The following NUBPL variants were observed in gnomAD, a reference collection of about 807,000 sequenced individuals.
The protein encoded by NUBPL is NUBP iron-sulfur cluster assembly factor, mitochondrial.
In NUBPL, 31 loss-of-function variants were observed where a neutral mutation model predicts 45.7. The ratio of observed to expected loss-of-function variants is 0.68; its 90% CI spans 0.51 to 0.92. NUBPL has a LOEUF of 0.92. NUBPL is among the 40% of genes least tolerant of loss of function. NUBPL has a pLI of 0.00. For synonymous variants in NUBPL, 144 were observed against 140.9 expected, an observed-to-expected ratio of 1.02 and a Z score of -0.15; for missense variants, 401 against 398.7, an observed-to-expected ratio of 1.01 and a Z score of -0.05.
chr14:31,577,238 C>G (rs1173184959), intron 3 of NUBPL, among the ~76,000 whole-genome samples: 1 of 152,220 alleles, frequency 6.6e-6, no homozygotes, highest in African/African-American at 2.4e-5. Context: ...ATCTCTTTCT[C>G]TCCACTGTCG....
chr14:31,602,968 A>G (rs2034485832), intron 4 of NUBPL, among the ~76,000 whole-genome samples: 1 of 152,148 alleles, frequency 6.6e-6, no homozygotes, highest in South Asian at 2.1e-4. Flanking sequence ...TATTGCATTT[A>G]AAAAATAAAG....
intron 6 of NUBPL, among the ~76,000 whole-genome samples, chr14:31,738,488 G>A (rs2038208869): frequency 6.6e-6 from 1 of 151,944 alleles, no homozygotes; most frequent in Non-Finnish European, 1.5e-5. Context: ...TTATTATTTG[G>A]TACACTTCCA....
intron 6 of NUBPL, among the ~76,000 whole-genome samples, chr14:31,727,597 T>C (rs1268919499): frequency 6.6e-6 from 1 of 152,244 alleles, no homozygotes; most frequent in East Asian, 1.9e-4. Flanking sequence ...TGTAGAAGTA[T>C]GATCATCTCA....
At position 31,579,934 on chromosome 14, in the gene NUBPL, A is replaced by G. The variant is rs1316624805; in HGVS notation, c.291+14886A>G. On this transcript the variant is annotated intron_variant, in intron 3 of 10. Transcript: ENST00000281081. Reference sequence around the variant, plus strand: ...GATAGAGTTTTGGTTTGTGAGCCACACTGATTGCACTGTGAAGGATTTGTT... The same window carrying G: ...GATAGAGTTTTGGTTTGTGAGCCACGCTGATTGCACTGTGAAGGATTTGTT... 2.6e-5 allele frequency among the ~76,000 whole-genome samples: 4 copies of G among 152,364 alleles called. No individual in the cohort carries two copies. In the South Asian group the frequency reaches 6.2e-4, roughly 24 times the overall value.
intron 3 of NUBPL, among the ~76,000 whole-genome samples, chr14:31,577,149 A>T (rs2033737895): frequency 6.6e-6 from 1 of 152,124 alleles, no homozygotes; most frequent in South Asian, 2.1e-4. Context: ...CCTTAACATC[A>T]TCCTTGTCTT....
intron 6 of NUBPL, among the ~76,000 whole-genome samples, chr14:31,749,055 T>G (rs1250369959): frequency 1.3e-5 from 2 of 152,250 alleles, no homozygotes; most frequent in Admixed American, 1.3e-4. Context: ...AAAATATAGT[T>G]GGGATTTTTA....
At position 31,591,785 on chromosome 14, in the gene NUBPL, G is replaced by T. The variant is rs1175049878; in HGVS notation, c.292-7504G>T. ...TCATAGTATGTTAAAGCTTATAAGAGACTGTGGGGATCATATAGTAAGCAA... is the reference window on the plus strand; with the variant it reads ...TCATAGTATGTTAAAGCTTATAAGATACTGTGGGGATCATATAGTAAGCAA... On this transcript the variant is annotated intron_variant, in intron 3 of 10. Coordinates refer to ENST00000281081, the MANE Select transcript of NUBPL (RefSeq NM_025152.3). Among the ~76,000 whole-genome samples the T allele has an allele frequency of 2.0e-5, 3 of 152,230 alleles. No homozygotes were observed. The East Asian group carries it at 5.8e-4, about 29-fold the overall frequency.
At chr14:31,643,988 A>G (rs2035776611) in intron 4 of NUBPL, among the ~76,000 whole-genome samples, 2 of 151,772 alleles carry the variant, frequency 1.3e-5, no homozygotes, top group Middle Eastern at 3.2e-3. Flanking sequence ...GAGTTGTTAT[A>G]TCTCCTTTAT....
intron 6 of NUBPL, among the ~76,000 whole-genome samples, chr14:31,711,181 G>A (rs546680527): frequency 3.3e-5 from 5 of 152,258 alleles, no homozygotes; most frequent in Admixed American, 1.3e-4. Context: ...TTCGGACCCC[G>A]GAGCTGAATG....
intron 4 of NUBPL, among the ~76,000 whole-genome samples, chr14:31,661,182 G>T (rs921087102): frequency 8.5e-5 from 13 of 152,208 alleles, no homozygotes; most frequent in African/African-American, 3.1e-4. Context: ...TGTGGCAACT[G>T]AAATAGTTTG....
At chr14:31,681,806 G>C (rs1258285332) in intron 6 of NUBPL, among the ~76,000 whole-genome samples, 1 of 151,942 alleles carries the variant, frequency 6.6e-6, no homozygotes, top group African/African-American at 2.4e-5. Flanking sequence ...TTGGTATGTT[G>C]TTTAATATCT....
intron 6 of NUBPL, among the ~76,000 whole-genome samples, chr14:31,750,067 G>A (rs2038487531): frequency 6.6e-6 from 1 of 151,802 alleles, no homozygotes; most frequent in South Asian, 2.1e-4. Flanking sequence ...TCTATGATAT[G>A]TATCTCTTTG....
chr14:31,616,462 G>A (rs1157588348), intron 4 of NUBPL, among the ~76,000 whole-genome samples: 2 of 151,368 alleles, frequency 1.3e-5, no homozygotes, highest in East Asian at 1.9e-4. Flanking sequence ...TGTAATGAAG[G>A]GATCCAGTTT....
intron 4 of NUBPL, among the ~76,000 whole-genome samples, chr14:31,639,483 C>T (rs900905172): frequency 2.6e-5 from 4 of 152,302 alleles, no homozygotes; most frequent in Admixed American, 6.5e-5. Context: ...AGGTGTCAGT[C>T]TGCCCCTACT....
chr14:31,830,482 C>A (rs1264393556), intron 8 of NUBPL, among the ~76,000 whole-genome samples: 1 of 152,134 alleles, frequency 6.6e-6, no homozygotes, highest in Non-Finnish European at 1.5e-5. Context: ...TTTACACATC[C>A]TGGTCCTTTG....
At chr14:31,820,166 A>G (rs1057297018) in intron 7 of NUBPL, among the ~76,000 whole-genome samples, 1 of 151,954 alleles carries the variant, frequency 6.6e-6, no homozygotes, top group African/African-American at 2.4e-5. Flanking sequence ...AAAAGAAAAA[A>G]ATATTGATAG....
chr14:31,751,238 C>A (rs1464314716), intron 6 of NUBPL, among the ~76,000 whole-genome samples: 1 of 152,246 alleles, frequency 6.6e-6, no homozygotes, highest in African/African-American at 2.4e-5. Context: ...CAGTCATGCA[C>A]TCCCAACAGT....
At chr14:31,739,010 ATTTG>A (rs552641369) in intron 6 of NUBPL, among the ~76,000 whole-genome samples, 1,565 of 150,448 alleles carry the variant, frequency 0.01, 20 homozygotes, top group African/African-American at 0.036. Context: ...AGAGTTTTTT[ATTTG>A]TTTGTTTGTT....
chr14:31,778,750 C>A (rs529461981), intron 6 of NUBPL, among the ~76,000 whole-genome samples: 15 of 152,294 alleles, frequency 9.8e-5, no homozygotes, highest in Admixed American at 5.2e-4. Flanking sequence ...TAAATAAAAT[C>A]TTGTTGCCAT....
Sources: gnomAD v4.1 joint callset for allele counts (sites outside exome capture counted in the v4.1 genomes callset) on GRCh38, gnomAD v4.1.1 for gene constraint, MANE v1.5 for transcripts, NCBI Gene and HGNC (gene_info 2026-07-23, HGNC 2026-07-21) for gene names.